Variants in ALDH18A1 observed in about 807,000 individuals in gnomAD.
ALDH18A1 encodes the protein aldehyde dehydrogenase 18 family member A1.
ALDH18A1 carries 44 observed loss-of-function variants against 88.8 expected under a neutral mutation model. The ratio of observed to expected loss-of-function variants is 0.50; its 90% CI spans 0.39 to 0.64. ALDH18A1 has a LOEUF of 0.64. Among genes scored for constraint, ALDH18A1 ranks in the 30% least tolerant of loss-of-function variants. The probability of loss-of-function intolerance (pLI) is 0.00; values close to 1 mark genes in which losing one functional copy is unlikely to be tolerated. For synonymous variants in ALDH18A1, 331 were observed against 372.1 expected (o/e 0.89, Z 1.27); for missense variants, 782 against 1,009.5 (o/e 0.77, Z 3.05).
chr10:95,653,557 TA>T (rs1364694468), intron 1 of ALDH18A1, among the ~76,000 whole-genome samples, 152 bp from the exon 2 acceptor site: 5 of 152,116 alleles, frequency 3.3e-5, no homozygotes, highest in African/African-American at 1.2e-4. Context: ...CTCTATATTA[TA>T]GAAAAGAGAG....
intron 13 of ALDH18A1, among the ~76,000 whole-genome samples, chr10:95,614,646 T>C (rs1458826033): frequency 3.9e-5 from 6 of 152,210 alleles, no homozygotes; most frequent in Non-Finnish European, 7.3e-5. Flanking sequence ...ATGGTTCTCA[T>C]GACTTCTGAT....
chr10:95,629,822 A>G (rs1052793612), intron 7 of ALDH18A1, among the ~76,000 whole-genome samples: 2 of 152,188 alleles, frequency 1.3e-5, no homozygotes, highest in Non-Finnish European at 2.9e-5. Context: ...GGATAATCAC[A>G]ATAAGAATGC....
chr10:95,636,645 T>C (rs1370051649), intron 5 of ALDH18A1, among the ~76,000 whole-genome samples: 1 of 152,196 alleles, frequency 6.6e-6, no homozygotes, highest in African/African-American at 2.4e-5. Flanking sequence ...AGCATTCCTC[T>C]TTCCCTTCAA....
At position 95,610,485 on chromosome 10, in the gene ALDH18A1, C is replaced by T. The variant is rs960027872; in HGVS notation, c.2111-193G>A. On this transcript the variant is annotated intron_variant, in intron 16 of 17. Transcript: ENST00000371224. ...GAAGACAAGTTAGCTTCATCAATCACGGTGTTGTGGAAAGACTGAGTTGGA... is the reference window on the plus strand; with the variant it reads ...GAAGACAAGTTAGCTTCATCAATCATGGTGTTGTGGAAAGACTGAGTTGGA... Among the ~76,000 whole-genome samples the T allele has an allele frequency of 3.9e-5, 6 of 152,206 alleles. No homozygotes were observed. The South Asian group carries it at 6.2e-4, about 16-fold the overall frequency.
intron 17 of ALDH18A1, among the ~76,000 whole-genome samples, chr10:95,608,665 A>G (rs2097827319): frequency 6.6e-6 from 1 of 151,696 alleles, no homozygotes; most frequent in African/African-American, 2.4e-5. Context: ...CCACACCTGG[A>G]TAATTTTTTC....
chr10:95,608,979 G>A (rs1274730619), intron 17 of ALDH18A1, among the ~76,000 whole-genome samples: 2 of 152,144 alleles, frequency 1.3e-5, no homozygotes, highest in Admixed American at 6.5e-5. Context: ...AGGTTCAAGC[G>A]ATTCTCCTGC....
At chr10:95,640,978 C>T (rs571027296) in intron 3 of ALDH18A1, among the ~76,000 whole-genome samples, 44 of 152,298 alleles carry the variant, frequency 2.9e-4, no homozygotes, top group Non-Finnish European at 5.4e-4. Context: ...AGACCACCAC[C>T]TCTGCTTTCC....
chr10:95,647,877 T>C (rs1454775127), intron 2 of ALDH18A1, among the ~76,000 whole-genome samples: 2 of 152,372 alleles, frequency 1.3e-5, no homozygotes, highest in Admixed American at 6.5e-5. Flanking sequence ...TGGCTGAACA[T>C]GTGGAGGTTC....
intron 2 of ALDH18A1, among the ~76,000 whole-genome samples, chr10:95,651,449 G>A (rs4918951): frequency 0.28 from 42,163 of 152,126 alleles, 6,795 homozygotes; most frequent in Admixed American, 0.4. Flanking sequence ...TTGCATTGCT[G>A]TAAAGAAATA....
At chr10:95,645,355 T>A (rs921792166) in intron 2 of ALDH18A1, among the ~76,000 whole-genome samples, 1 of 152,240 alleles carries the variant, frequency 6.6e-6, no homozygotes, top group African/African-American at 2.4e-5. Flanking sequence ...ATTAGAGAGT[T>A]AACTACCTTC....
intron 3 of ALDH18A1, among the ~76,000 whole-genome samples, 179 bp downstream of exon 3, chr10:95,642,813 G>T (rs1200009699): frequency 1.3e-5 from 2 of 152,150 alleles, no homozygotes; most frequent in South Asian, 4.1e-4. Flanking sequence ...CCATTTTCTT[G>T]CCCTAAGATG....
At chr10:95,654,932 C>A (rs1433605714) in intron 1 of ALDH18A1, among the ~76,000 whole-genome samples, 2 of 152,022 alleles carry the variant, frequency 1.3e-5, no homozygotes, top group Non-Finnish European at 2.9e-5. Flanking sequence ...CCCAGCAAGG[C>A]TAGTCTTCAC....
At chr10:95,649,433 C>T (rs543930326) in intron 2 of ALDH18A1, among the ~76,000 whole-genome samples, 1 of 149,320 alleles carries the variant, frequency 6.7e-6, no homozygotes, top group East Asian at 2.0e-4. Flanking sequence ...TGGCTCACTG[C>T]AAGCTCCTCC....
Position 95,625,356 on chromosome 10 carries a change from CT to C in ALDH18A1, c.1246+5del. On this transcript the variant is annotated splice_donor_5th_base_variant and intron_variant, in intron 11 of 17. Coordinates refer to ENST00000371224, the MANE Select transcript of ALDH18A1 (RefSeq NM_002860.4). Reference sequence around the variant, plus strand: ...CAACATTGACTTTAAATTGCCTGGTCTTTACCCTCTGCCTCCTCCAAGTCTT... The same window carrying C: ...CAACATTGACTTTAAATTGCCTGGTCTTACCCTCTGCCTCCTCCAAGTCTT... The C allele has an allele frequency of 1.2e-6, 2 of 1,613,822 alleles. No homozygotes were observed. Among genetic ancestry groups the C allele is most frequent in the Non-Finnish European group, 1.7e-6 (2 of 1,179,714 alleles).
chr10:95,611,612 T>C (rs1004767187), intron 15 of ALDH18A1, among the ~76,000 whole-genome samples, 170 bp from the exon 16 acceptor site: 1 of 152,192 alleles, frequency 6.6e-6, no homozygotes, highest in African/African-American at 2.4e-5. Context: ...GACTGGCCAC[T>C]TGCCAGCAAT....
chr10:95,642,263 T>C (rs2097893153), intron 3 of ALDH18A1, among the ~76,000 whole-genome samples: 1 of 152,192 alleles, frequency 6.6e-6, no homozygotes, highest in Non-Finnish European at 1.5e-5. Context: ...ATATTATCTA[T>C]GGTTGCTTCT....
At chr10:95,609,047 G>C (rs2097828086) in intron 17 of ALDH18A1, among the ~76,000 whole-genome samples, 1 of 152,028 alleles carries the variant, frequency 6.6e-6, no homozygotes, top group Non-Finnish European at 1.5e-5. Context: ...AGCTAATTTT[G>C]TATTTTTAGT....
chr10:95,635,165 T>C (rs2097878208), intron 5 of ALDH18A1, among the ~76,000 whole-genome samples: 1 of 152,180 alleles, frequency 6.6e-6, no homozygotes, highest in Non-Finnish European at 1.5e-5. Context: ...AAATGGAGCA[T>C]ATTTTTGAAA....
At chr10:95,626,995 C>T (rs374406087) in intron 9 of ALDH18A1, among the ~76,000 whole-genome samples, 1 of 152,146 alleles carries the variant, frequency 6.6e-6, no homozygotes, top group East Asian at 1.9e-4. Flanking sequence ...AAGAACTTGC[C>T]TGTATTTCTG....
Sources: gnomAD v4.1 joint callset for allele counts (sites outside exome capture counted in the v4.1 genomes callset) on GRCh38, gnomAD v4.1.1 for gene constraint, MANE v1.5 for transcripts, NCBI Gene and HGNC (gene_info 2026-07-23, HGNC 2026-07-21) for gene names.